The following GANC variants were observed in gnomAD, a reference collection of about 807,000 sequenced individuals.
The protein encoded by GANC is glucosidase alpha, neutral C.
In GANC, 117 loss-of-function variants were observed where a neutral mutation model predicts 124.2. The ratio of observed to expected loss-of-function variants is 0.94; its 90% confidence interval spans 0.81 to 1.10. The LOEUF (loss-of-function observed/expected upper bound fraction) is 1.10, where lower values mean the gene tolerates loss of function less well. Ranked by LOEUF, GANC falls within the 50% of genes least tolerant of loss-of-function variation. The pLI is 0.00. For synonymous variants in GANC, 377 were observed against 376.8 expected, an observed-to-expected ratio of 1.00 and a Z score of -0.01; for missense variants, 1,140 against 1,095.0, an observed-to-expected ratio of 1.04 and a Z score of -0.58.
chr15:42,343,120 C>A lies in GANC; in HGVS notation c.2195C>A (p.Thr732Asn). 3.1e-6 allele frequency: 5 copies of A among 1,614,124 alleles called. No homozygotes were observed. Among genetic ancestry groups the A allele is most frequent in the Non-Finnish European group, 4.2e-6 (5 of 1,180,000 alleles). ...LVHPVTEPKA[T>N]TVDVFLPGSN... is the part of the protein sequence containing the mutation. ...CATCCAGTCACAGAACCAAAAGCCA[C>A]CACAGTTGATGTGTTTCTTCCAGGA... is the stretch of plus-strand genomic sequence containing the variant. Residue 732 changes from threonine to asparagine, a missense_variant, in exon 19 of 24, where the codon ACC becomes AAC. Coordinates refer to ENST00000318010, the MANE Select transcript of GANC (RefSeq NM_198141.3).
chr15:42,333,611 A>C (rs1197606012), intron 15 of GANC, among the ~76,000 whole-genome samples: 1 of 152,132 alleles, frequency 6.6e-6, no homozygotes, highest in Non-Finnish European at 1.5e-5. Context: ...CCACTTAATA[A>C]CTGTGTAACT....
intron 20 of GANC, among the ~76,000 whole-genome samples, chr15:42,346,679 C>T (rs918541395): frequency 2.0e-5 from 3 of 152,100 alleles, no homozygotes; most frequent in Admixed American, 6.6e-5. Context: ...TGGTAGTCAC[C>T]ATATGTGCCA....
intron 1 of GANC, 123 bp downstream of exon 1, chr15:42,274,633 C>G: frequency 3.0e-6 from 3 of 986,268 alleles, no homozygotes; most frequent in South Asian, 1.6e-5. Context: ...TCTCTCAATT[C>G]GCGGGAAGTT....
intron 10 of GANC, among the ~76,000 whole-genome samples, 161 bp from the exon 11 acceptor site, chr15:42,321,624 A>T (rs2052157638): frequency 6.6e-6 from 1 of 152,218 alleles, no homozygotes; most frequent in South Asian, 2.1e-4. Flanking sequence ...CTCATTAGCC[A>T]GGTTGTCACT....
intron 3 of GANC, among the ~76,000 whole-genome samples, chr15:42,280,104 C>G (rs915426568): frequency 6.6e-6 from 1 of 152,184 alleles, no homozygotes; most frequent in Non-Finnish European, 1.5e-5. Context: ...TTATCCCCAT[C>G]CCCTGTCCTC....
rs937291195 is a variant in GANC at position 42,308,258 on chromosome 15, G to T, written c.662G>T (p.Gly221Val). ...SSIGLDFSLH[G>V]FEHLYGIPQH... ...ATTGGTTTGGATTTCTCCTTGCATG[G>T]ATTTGAGCATCTTTATGGGATCCCA... Residue 221 changes from glycine to valine, a missense_variant, in exon 8 of 24, where the codon GGA becomes GTA. Coordinates refer to ENST00000318010, the MANE Select transcript of GANC (RefSeq NM_198141.3). 9 of 1,609,138 alleles carry T rather than the reference G, an allele frequency of 5.6e-6. No individual in the cohort carries two copies. Among genetic ancestry groups the T allele is most frequent in the Non-Finnish European group, 7.6e-6 (9 of 1,176,494 alleles).
intron 3 of GANC, among the ~76,000 whole-genome samples, chr15:42,285,600 G>C (rs1421191506): frequency 6.6e-6 from 1 of 152,032 alleles, no homozygotes; most frequent in Non-Finnish European, 1.5e-5. Flanking sequence ...TTTGAGACCA[G>C]CCTGGTCAAC....
At position 42,344,569 on chromosome 15, in the gene GANC, G is replaced by A. The variant is rs2052349590; in HGVS notation, c.2230-1189G>A. The A allele has an allele frequency of 2.0e-5, 3 of 152,160 alleles. No homozygotes were observed. The South Asian group carries it at 6.2e-4, about 32-fold the overall frequency. The allele number at this position is 152,160 out of a possible 1,614,324, so 9.4% of individuals were successfully genotyped here. A position where few individuals can be genotyped will look rare whatever the true frequency, so the allele number is the denominator to read the frequency against. On this transcript the variant is annotated intron_variant, in intron 19 of 23. Coordinates refer to ENST00000318010, the MANE Select transcript of GANC (RefSeq NM_198141.3). ...GATTGTGACGTGAGTACATCTTTTT[G>A]AGGGGCGACGGTTCCATCTGCTATG... is the stretch of plus-strand genomic sequence containing the variant.
At chr15:42,292,284 G>T (rs1377033180) in intron 4 of GANC, among the ~76,000 whole-genome samples, 2 of 151,932 alleles carry the variant, frequency 1.3e-5, no homozygotes, top group African/African-American at 4.8e-5. Context: ...AAAAACAATA[G>T]TTAGATTTTA....
At chr15:42,337,797 C>G (rs975012550) in intron 15 of GANC, among the ~76,000 whole-genome samples, 1 of 152,204 alleles carries the variant, frequency 6.6e-6, no homozygotes, top group Non-Finnish European at 1.5e-5. Context: ...CATGGTGGCT[C>G]ACGCCTATAA....
At chr15:42,281,137 T>C in intron 3 of GANC, 1 of 702,272 alleles carries the variant, frequency 1.4e-6, no homozygotes, top group Non-Finnish European at 2.6e-6. Flanking sequence ...TGCTCAGGTA[T>C]TAGAAATATC....
chr15:42,288,838 A>G (rs180833947), intron 4 of GANC, among the ~76,000 whole-genome samples: 27 of 152,294 alleles, frequency 1.8e-4, no homozygotes, highest in African/African-American at 6.3e-4. Context: ...TAAGAACTTA[A>G]AAGAGACTGT....
intron 12 of GANC, among the ~76,000 whole-genome samples, chr15:42,326,776 G>C (rs376994350): frequency 1.3e-5 from 2 of 152,126 alleles, no homozygotes; most frequent in South Asian, 2.1e-4. Context: ...CCTTGTGATT[G>C]CTCTTCACCC....
At chr15:42,312,677 T>C (rs5028173) in intron 10 of GANC, among the ~76,000 whole-genome samples, 140,123 of 152,256 alleles carry the variant, frequency 0.92, 65,533 homozygotes, top group Non-Finnish European at 1. Flanking sequence ...CGGTGGCCCA[T>C]GCCTGTAATC....
intron 6 of GANC, among the ~76,000 whole-genome samples, chr15:42,303,398 A>G (rs1193141722): frequency 6.6e-6 from 1 of 152,212 alleles, no homozygotes; most frequent in Non-Finnish European, 1.5e-5. Flanking sequence ...CCACTGCAAA[A>G]ACATACCAAA....
chr15:42,346,315 C>T (rs1381528418), intron 20 of GANC, among the ~76,000 whole-genome samples: 2 of 152,048 alleles, frequency 1.3e-5, no homozygotes, highest in East Asian at 3.9e-4. Context: ...TGCATAGAGA[C>T]AGAAGGTAGG....
intron 8 of GANC, among the ~76,000 whole-genome samples, chr15:42,308,893 C>G (rs1038571015): frequency 6.6e-6 from 1 of 152,138 alleles, no homozygotes; most frequent in Non-Finnish European, 1.5e-5. Context: ...CTGCTGTGAT[C>G]AGAATAGAGG....
chr15:42,329,897 G>A (rs1168302441), intron 14 of GANC, among the ~76,000 whole-genome samples: 2 of 152,180 alleles, frequency 1.3e-5, no homozygotes, highest in Non-Finnish European at 2.9e-5. Context: ...GCTTCAATAA[G>A]TATATTTTAA....
chr15:42,328,167 G>C (rs1364711096), intron 13 of GANC, among the ~76,000 whole-genome samples: 1 of 152,156 alleles, frequency 6.6e-6, no homozygotes, highest in East Asian at 1.9e-4. Context: ...TGTGCCCTAA[G>C]CCCAGCTTTT....
Sources: allele counts gnomAD v4.1 joint callset (sites outside exome capture counted in the v4.1 genomes callset), GRCh38; gene constraint gnomAD v4.1.1; transcripts MANE v1.5; gene names NCBI Gene and HGNC (gene_info 2026-07-23, HGNC 2026-07-21).